The following SMARCAL1 variants were observed in gnomAD, a reference collection of about 807,000 sequenced individuals.
SMARCAL1 encodes the protein SNF2 related chromatin remodeling annealing helicase 1, also known as ATP-driven annealing helicase.
A neutral mutation model predicts 94.5 loss-of-function variants in SMARCAL1; 58 were observed. That is an observed-to-expected ratio of 0.61 (90% CI 0.50 to 0.76). The LOEUF is 0.76. SMARCAL1 is among the 30% of genes least tolerant of loss of function. The pLI is 0.00. For missense variants in SMARCAL1, 1,051 were observed against 1,177.9 expected, an observed-to-expected ratio of 0.89 and a Z score of 1.58; for synonymous variants, 422 against 455.1, an observed-to-expected ratio of 0.93 and a Z score of 0.93.
intron 12 of SMARCAL1, chr2:216,451,324 AG>A: frequency 2.0e-6 from 1 of 489,010 alleles, no homozygotes; most frequent in Non-Finnish European, 3.7e-6. Flanking sequence ...AGGCAACAGC[AG>A]GGTGGTGATC....
chr2:216,467,276 G>A (rs184328197), intron 13 of SMARCAL1, among the ~76,000 whole-genome samples: 1 of 152,236 alleles, frequency 6.6e-6, no homozygotes, highest in African/African-American at 2.4e-5. Flanking sequence ...TTTGAGACCA[G>A]CCTGGCCAAC....
chr2:216,473,646 A>G (rs529320790), intron 14 of SMARCAL1, among the ~76,000 whole-genome samples: 1 of 152,302 alleles, frequency 6.6e-6, no homozygotes, highest in African/African-American at 2.4e-5. Flanking sequence ...CAGGATATAA[A>G]ACTTTTTATT....
intron 10 of SMARCAL1, among the ~76,000 whole-genome samples, chr2:216,440,431 A>G (rs566571086): frequency 4.6e-5 from 7 of 152,356 alleles, no homozygotes; most frequent in African/African-American, 1.4e-4. Context: ...GAAGCAGCAT[A>G]TACCTCTTTA....
intron 10 of SMARCAL1, among the ~76,000 whole-genome samples, chr2:216,440,125 C>T (rs776480315): frequency 2.0e-5 from 3 of 151,904 alleles, no homozygotes; most frequent in Non-Finnish European, 4.4e-5. Flanking sequence ...TTGATGGACA[C>T]ATTTAAATAA....
intron 4 of SMARCAL1, among the ~76,000 whole-genome samples, chr2:216,417,711 T>C (rs971784927): frequency 6.6e-6 from 1 of 152,234 alleles, no homozygotes; most frequent in Non-Finnish European, 1.5e-5. Flanking sequence ...GCTCATTTTT[T>C]AATCGATTTA....
chr2:216,464,767 A>G, intron 13 of SMARCAL1, 100 bp downstream of exon 13: 1 of 845,630 alleles, frequency 1.2e-6, no homozygotes, highest in South Asian at 1.4e-5. Context: ...ACTGCGTCTA[A>G]GAAATGACCA....
chr2:216,470,491 C>CT (rs34225191), intron 14 of SMARCAL1, among the ~76,000 whole-genome samples: 22,155 of 142,836 alleles, frequency 0.16, 1,798 homozygotes, highest in South Asian at 0.25. Context: ...CCAACTAGAT[C>CT]TTTTTTTTTT....
At chr2:216,437,477 A>G (rs1694104012) in intron 9 of SMARCAL1, among the ~76,000 whole-genome samples, 1 of 152,166 alleles carries the variant, frequency 6.6e-6, no homozygotes, top group Non-Finnish European at 1.5e-5. Flanking sequence ...CAGCTATAGG[A>G]AGGCTGATAC....
At chr2:216,445,825 A>G (rs1309227461) in intron 10 of SMARCAL1, among the ~76,000 whole-genome samples, 1 of 152,224 alleles carries the variant, frequency 6.6e-6, no homozygotes, top group Non-Finnish European at 1.5e-5. Flanking sequence ...ATGCGTTTAG[A>G]TAATTGTGTA....
intron 6 of SMARCAL1, 99 bp from the exon 7 acceptor site, chr2:216,428,497 G>C (rs1693888641): frequency 1.7e-6 from 2 of 1,179,690 alleles, no homozygotes; most frequent in South Asian, 2.5e-5. Flanking sequence ...CCTAGGACCA[G>C]CATCACTGGA....
chr2:216,417,463 C>G (rs1449277440), intron 4 of SMARCAL1, among the ~76,000 whole-genome samples: 1 of 152,166 alleles, frequency 6.6e-6, no homozygotes, highest in Admixed American at 6.5e-5. Context: ...TCTCTGTGTC[C>G]TTGTTTGGAT....
intron 9 of SMARCAL1, among the ~76,000 whole-genome samples, chr2:216,437,695 T>C (rs1441790307): frequency 1.3e-5 from 2 of 152,198 alleles, no homozygotes; most frequent in East Asian, 1.9e-4. Context: ...TAAATACTCA[T>C]GTATTAGTTA....
intron 12 of SMARCAL1, among the ~76,000 whole-genome samples, chr2:216,455,327 C>T (rs1413495026): frequency 6.6e-6 from 1 of 152,224 alleles, no homozygotes; most frequent in Non-Finnish European, 1.5e-5. Context: ...TTAAATGTCC[C>T]TGTCTGACAG....
intron 10 of SMARCAL1, among the ~76,000 whole-genome samples, chr2:216,445,961 G>T (rs1481913671): frequency 6.6e-6 from 1 of 152,138 alleles, no homozygotes; most frequent in Non-Finnish European, 1.5e-5. Context: ...ACATGCAATT[G>T]CCTTGTATTA....
chr2:216,445,542 G>T (rs147659733), intron 10 of SMARCAL1, among the ~76,000 whole-genome samples: 7 of 152,292 alleles, frequency 4.6e-5, no homozygotes, highest in Middle Eastern at 3.4e-3. Context: ...CCCCAGGCCA[G>T]CACAGTGACA....
At position 216,477,137 on chromosome 2, in the gene SMARCAL1, A is replaced by G; in HGVS notation, c.2456A>G (p.His819Arg). 1 of 1,590,740 alleles carries G rather than the reference A, an allele frequency of 6.3e-7. No individual in the cohort carries two copies. Among genetic ancestry groups the G allele is most frequent in the Non-Finnish European group, 8.6e-7 (1 of 1,168,612 alleles). Reference protein sequence around the residue: ...GVLIQAEDRVHRIGQTSSVGI... With the variant: ...GVLIQAEDRVRRIGQTSSVGI... ...CTGATCCAGGCTGAGGACCGCGTGC[A>G]CCGCATTGGACAGACCAGCTCCGTG... Residue 819 changes from histidine to arginine, a missense_variant, in exon 16 of 18, where the codon CAC becomes CGC. His to Arg is a conservative substitution (Grantham distance 29, BLOSUM62 0). Transcript: ENST00000357276.
In SMARCAL1 at chr2:216,435,383, G is replaced by A. The variant is rs747066701; in HGVS notation, c.1531G>A (p.Val511Ile). ...ATCTCTGAGCCCAGATTGCATCAAC[G>A]TCGTGGTGACTGGGAAGGACCGCCT... ...LPSLSPDCIN[V>I]VVTGKDRLTA... Residue 511 changes from valine (V) to isoleucine (I), a missense_variant, in exon 9 of 18, where the codon GTC (valine) becomes ATC (isoleucine). By Grantham distance (29) the Val-to-Ile change is conservative. Coordinates refer to ENST00000357276, the MANE Select transcript of SMARCAL1 (RefSeq NM_014140.4). 3.7e-6 allele frequency: 6 copies of A among 1,614,006 alleles called. No homozygotes were observed. Among genetic ancestry groups the A allele is most frequent in the South Asian group, 1.1e-5 (1 of 91,082 alleles).
intron 14 of SMARCAL1, among the ~76,000 whole-genome samples, chr2:216,469,036 A>T (rs1694898961): frequency 6.6e-6 from 1 of 152,026 alleles, no homozygotes; most frequent in Non-Finnish European, 1.5e-5. Flanking sequence ...TTTTAATAAT[A>T]AAATACTTAG....
rs549763812 is a variant in SMARCAL1, at chr2:216,446,875, G to A, written c.1711-143G>A. 3.5e-6 allele frequency: 3 copies of A among 848,822 alleles called. No homozygotes were observed. In the East Asian group the frequency reaches 7.9e-5, roughly 22 times the overall value. 52.6% of individuals were successfully genotyped at this position (848,822 alleles called of 1,614,324 possible). ...AAAAGGAGATGCCATCTAACTGCTTGCATTGGCAATGCCATTAGGTTCTCG... is the reference window on the plus strand; with the variant it reads ...AAAAGGAGATGCCATCTAACTGCTTACATTGGCAATGCCATTAGGTTCTCG... On this transcript the variant is annotated intron_variant, in intron 10 of 17. Transcript: ENST00000357276.
Sources: gnomAD v4.1 joint callset for allele counts (sites outside exome capture counted in the v4.1 genomes callset) on GRCh38, gnomAD v4.1.1 for gene constraint, MANE v1.5 for transcripts, NCBI Gene and HGNC (gene_info 2026-07-23, HGNC 2026-07-21) for gene names.